METTL15: variants seen among roughly 807,000 people sequenced by gnomAD.
METTL15 encodes methyltransferase 15, mitochondrial 12S rRNA N4-cytidine, also known as 12S rRNA N(4)-cytidine methyltransferase METTL15.
In METTL15, 34 loss-of-function variants were observed where a neutral mutation model predicts 38.3. The observed-to-expected ratio is 0.89, with a 90% confidence interval of 0.68 to 1.18. The LOEUF is 1.18. METTL15 is among the 50% of genes most tolerant of loss of function. METTL15 has a pLI of 0.00. For missense variants in METTL15, 438 were observed against 498.4 expected (o/e 0.88, Z 1.15); for synonymous variants, 162 against 170.9 (o/e 0.95, Z 0.41).
chr11:28,266,259 T>C (rs201863418), intron 4 of METTL15, among the ~76,000 whole-genome samples: 2 of 152,172 alleles, frequency 1.3e-5, no homozygotes, highest in African/African-American at 4.8e-5. Flanking sequence ...CACATGCACA[T>C]GTATGTTTAT....
intron 3 of METTL15, among the ~76,000 whole-genome samples, chr11:28,179,332 A>G (rs1455374854): frequency 2.0e-5 from 3 of 151,802 alleles, no homozygotes; most frequent in Non-Finnish European, 4.4e-5. Flanking sequence ...AGTGAAGTCT[A>G]GAATGCATGT....
chr11:28,135,254 C>T (rs1396842482), intron 3 of METTL15, among the ~76,000 whole-genome samples: 2 of 152,070 alleles, frequency 1.3e-5, no homozygotes, highest in Non-Finnish European at 2.9e-5. Flanking sequence ...TATACTTGAC[C>T]AGATTATTGG....
At chr11:28,317,778 C>G (rs1366809001) in intron 6 of METTL15, among the ~76,000 whole-genome samples, 1 of 152,132 alleles carries the variant, frequency 6.6e-6, no homozygotes, top group African/African-American at 2.4e-5. Context: ...GCAAGATTTT[C>G]TCTTACTTTA....
At chr11:28,325,688 T>C (rs1210177480) in intron 6 of METTL15, among the ~76,000 whole-genome samples, 3 of 152,216 alleles carry the variant, frequency 2.0e-5, no homozygotes, top group Admixed American at 6.5e-5. Context: ...AATAAACCCC[T>C]GAAACTAATT....
Position 28,481,183 on chromosome 11 carries a change from C to A in METTL15, c.*425-45295C>A, listed in dbSNP as rs574658255. 3.3e-5 allele frequency among the ~76,000 whole-genome samples: 5 copies of A among 152,244 alleles called. No homozygotes were observed. In the South Asian group the frequency reaches 1.0e-3, roughly 32 times the overall value. On this transcript the variant is annotated intron_variant and NMD_transcript_variant, in intron 6 of 7. Transcript: ENST00000532947. Reference sequence around the variant, plus strand: ...GATGTCACTAAAGTTACCTCCCACTCTGAACTTCAGAAAAATTTATTTAGT... The same window carrying A: ...GATGTCACTAAAGTTACCTCCCACTATGAACTTCAGAAAAATTTATTTAGT...
At chr11:28,466,068 G>A (rs1424216112) in intron 6 of METTL15, among the ~76,000 whole-genome samples, 1 of 152,116 alleles carries the variant, frequency 6.6e-6, no homozygotes, top group South Asian at 2.1e-4. Context: ...TTCAATTGAA[G>A]TCGGGGGGAT....
chr11:28,367,092 G>T (rs1463609259), intron 5 of METTL15, among the ~76,000 whole-genome samples: 1 of 151,954 alleles, frequency 6.6e-6, no homozygotes, highest in Non-Finnish European at 1.5e-5. Context: ...CTGAAATGTA[G>T]TCCAATGTTT....
At chr11:28,434,245 G>A (rs1271857051) in intron 6 of METTL15, among the ~76,000 whole-genome samples, 2 of 152,160 alleles carry the variant, frequency 1.3e-5, no homozygotes, top group Non-Finnish European at 2.9e-5. Flanking sequence ...CATGAAGAAG[G>A]ACGTGTTTAC....
At chr11:28,188,092 A>G (rs888357273) in intron 3 of METTL15, among the ~76,000 whole-genome samples, 1 of 151,222 alleles carries the variant, frequency 6.6e-6, no homozygotes, top group Non-Finnish European at 1.5e-5. Flanking sequence ...CTTTCTTTCC[A>G]CTAGTTTTTG....
chr11:28,124,445 A>G (rs1852384015), intron 3 of METTL15, among the ~76,000 whole-genome samples: 1 of 152,078 alleles, frequency 6.6e-6, no homozygotes, highest in African/African-American at 2.4e-5. Context: ...TGAATTTTTC[A>G]GAGCTTGATC....
At chr11:28,152,789 G>A (rs868659362) in intron 3 of METTL15, among the ~76,000 whole-genome samples, 1 of 151,814 alleles carries the variant, frequency 6.6e-6, no homozygotes, top group South Asian at 2.1e-4. Context: ...GAATAAAAGA[G>A]TGGCCACTCT....
At chr11:28,522,457 G>T (rs1469969357) in intron 6 of METTL15, among the ~76,000 whole-genome samples, 1 of 152,176 alleles carries the variant, frequency 6.6e-6, no homozygotes, top group African/African-American at 2.4e-5. Context: ...TTAGTCTTTT[G>T]TTCTATCCAG....
intron 5 of METTL15, among the ~76,000 whole-genome samples, chr11:28,414,814 A>G (rs1270224991): frequency 6.6e-6 from 1 of 152,218 alleles, no homozygotes. Context: ...TGAAGTGTTT[A>G]CTTTTCCAAG....
intron 6 of METTL15, among the ~76,000 whole-genome samples, chr11:28,454,188 G>A (rs1851148618): frequency 6.6e-6 from 1 of 152,172 alleles, no homozygotes; most frequent in South Asian, 2.1e-4. Context: ...ATTTATCTAA[G>A]TGTAAGTCAT....
intron 5 of METTL15, among the ~76,000 whole-genome samples, chr11:28,372,578 G>A (rs1223754149): frequency 6.8e-6 from 1 of 147,746 alleles, no homozygotes; most frequent in Admixed American, 6.8e-5. Flanking sequence ...TAACAGTAAT[G>A]TTTCAGCATT....
intron 6 of METTL15, among the ~76,000 whole-genome samples, chr11:28,524,280 A>G (rs1357702712): frequency 6.6e-6 from 1 of 152,224 alleles, no homozygotes; most frequent in Non-Finnish European, 1.5e-5. Flanking sequence ...ACTCATGCAG[A>G]TAGAGCTCTG....
At chr11:28,227,683 G>C (rs990250128) in intron 4 of METTL15, among the ~76,000 whole-genome samples, 1 of 151,892 alleles carries the variant, frequency 6.6e-6, no homozygotes, top group Non-Finnish European at 1.5e-5. Context: ...AGAACAAAGG[G>C]AAAGCACCAA....
At chr11:28,306,697 A>G (rs1857094418) in intron 6 of METTL15, among the ~76,000 whole-genome samples, 1 of 152,168 alleles carries the variant, frequency 6.6e-6, no homozygotes, top group Admixed American at 6.5e-5. Flanking sequence ...TTTCATTTTT[A>G]AAGTTTAAAA....
intron 5 of METTL15, among the ~76,000 whole-genome samples, chr11:28,401,348 CTT>C (rs1850628929): frequency 6.6e-6 from 1 of 151,890 alleles, no homozygotes; most frequent in African/African-American, 2.4e-5. Flanking sequence ...GAAGTAATCT[CTT>C]AATCTGTTTT....
Sources: gnomAD v4.1 joint callset for allele counts (sites outside exome capture counted in the v4.1 genomes callset) on GRCh38, gnomAD v4.1.1 for gene constraint, MANE v1.5 for transcripts, NCBI Gene and HGNC (gene_info 2026-07-23, HGNC 2026-07-21) for gene names.